The following DMXL2 variants were observed in gnomAD, a reference collection of about 807,000 sequenced individuals.
DMXL2 encodes the protein dmX-like protein 2.
DMXL2 carries 103 observed loss-of-function variants against 331.1 expected under a neutral mutation model. That is an observed-to-expected ratio of 0.31 (90% CI 0.27 to 0.37). The LOEUF is 0.37. Ranked by LOEUF, DMXL2 falls within the 10% of genes least tolerant of loss-of-function variation. DMXL2 has a pLI of 1.00. For synonymous variants in DMXL2, 1,281 were observed against 1,252.1 expected, an observed-to-expected ratio of 1.02 and a Z score of -0.49; for missense variants, 3,171 against 3,642.9, an observed-to-expected ratio of 0.87 and a Z score of 3.33.
At chr15:51,498,442 C>G (rs1182193331) in intron 18 of DMXL2, 110 bp downstream of exon 18, 1 of 1,117,712 alleles carries the variant, frequency 8.9e-7, no homozygotes, top group Non-Finnish European at 1.3e-6. Flanking sequence ...AGGTCTTTTC[C>G]CTGCAAAGTT....
chr15:51,588,942 C>T (rs1258507091), intron 1 of DMXL2, among the ~76,000 whole-genome samples: 1 of 152,116 alleles, frequency 6.6e-6, no homozygotes, highest in Non-Finnish European at 1.5e-5. Flanking sequence ...AAAAAGTCTC[C>T]AAAAGATTAA....
chr15:51,504,522 T>C (rs1030850413), intron 16 of DMXL2, among the ~76,000 whole-genome samples: 1 of 152,232 alleles, frequency 6.6e-6, no homozygotes, highest in Non-Finnish European at 1.5e-5. Context: ...TTTATTTATC[T>C]GTCTCTCCCC....
chr15:51,582,377 C>G (rs1235850989), intron 1 of DMXL2, among the ~76,000 whole-genome samples: 2 of 152,056 alleles, frequency 1.3e-5, no homozygotes, highest in East Asian at 1.9e-4. Context: ...ATTTTTTGCT[C>G]TTTATTAATT....
At chr15:51,593,528 T>G (rs1232428346) in intron 1 of DMXL2, among the ~76,000 whole-genome samples, 1 of 152,132 alleles carries the variant, frequency 6.6e-6, no homozygotes, top group Non-Finnish European at 1.5e-5. Flanking sequence ...TTAACAAGGA[T>G]ATCCAGGAAT....
intron 1 of DMXL2, among the ~76,000 whole-genome samples, chr15:51,596,632 T>C (rs933005111): frequency 5.9e-5 from 9 of 152,224 alleles, no homozygotes; most frequent in African/African-American, 1.9e-4. Context: ...ATATGTTTAC[T>C]GCGGCACTGT....
At chr15:51,465,758 A>G in intron 30 of DMXL2, 107 bp from the exon 31 acceptor site, 1 of 805,228 alleles carries the variant, frequency 1.2e-6, no homozygotes, top group Non-Finnish European at 2.0e-6. Flanking sequence ...ACCCAGAAAA[A>G]AAGCTGTCAT....
intron 1 of DMXL2, among the ~76,000 whole-genome samples, chr15:51,586,165 A>G (rs2051807381): frequency 6.6e-6 from 1 of 152,268 alleles, no homozygotes; most frequent in Non-Finnish European, 1.5e-5. Flanking sequence ...CTTACAGCAA[A>G]AAAGTTTAAC....
chr15:51,464,244 A>T (rs1210390552), intron 32 of DMXL2, among the ~76,000 whole-genome samples: 1 of 152,190 alleles, frequency 6.6e-6, no homozygotes, highest in Admixed American at 6.5e-5. Flanking sequence ...TCTACAAAAA[A>T]TACAAAAAAA....
chr15:51,472,988 TA>T (rs1261466301), intron 28 of DMXL2, among the ~76,000 whole-genome samples: 2 of 104,156 alleles, frequency 1.9e-5, no homozygotes, highest in Non-Finnish European at 4.1e-5. Flanking sequence ...TCTCATCTCC[TA>T]CAACACTCCC....
chr15:51,562,593 A>G (rs879507882), intron 6 of DMXL2, among the ~76,000 whole-genome samples: 3 of 152,160 alleles, frequency 2.0e-5, no homozygotes, highest in Non-Finnish European at 2.9e-5. Flanking sequence ...AATACCTCCT[A>G]TGTGGGATTA....
rs375668293 is a variant in DMXL2, at chr15:51,536,221, G to A, written c.2259C>T (p.Thr753=). Residue 753 remains threonine, a synonymous_variant, in exon 12 of 44, where the codon ACC becomes ACT. Transcript: ENST00000560891. ...GCCAAGCCACATTAGAGAACGCTGA[G>A]GTATGTAAAGAGTTAATTCGAGCCA... ...SELARINSLH[T]SAFSNVAWLP... The A allele has an allele frequency of 6.8e-6, 11 of 1,612,910 alleles. No individual in the cohort carries two copies. The African/African-American group carries it at 9.3e-5, about 14-fold the overall frequency.
chr15:51,600,127 T>G (rs905821461), intron 1 of DMXL2, among the ~76,000 whole-genome samples: 1 of 152,234 alleles, frequency 6.6e-6, no homozygotes, highest in Non-Finnish European at 1.5e-5. Context: ...TTAGGTTGCC[T>G]TGGCATTCGT....
At chr15:51,513,850 A>C (rs1473713503) in intron 15 of DMXL2, among the ~76,000 whole-genome samples, 1 of 152,192 alleles carries the variant, frequency 6.6e-6, no homozygotes, top group African/African-American at 2.4e-5. Context: ...ACTTAAATAA[A>C]AGTTTAACGT....
chr15:51,462,630 C>T (rs1405645576), intron 33 of DMXL2, among the ~76,000 whole-genome samples: 2 of 152,118 alleles, frequency 1.3e-5, no homozygotes, highest in African/African-American at 2.4e-5. Context: ...AGCCACCGTG[C>T]CCGGCCATGT....
intron 40 of DMXL2, 36 bp downstream of exon 40, chr15:51,455,115 T>G (rs2039508341): frequency 3.4e-6 from 5 of 1,488,020 alleles, no homozygotes; most frequent in Non-Finnish European, 3.8e-6. Context: ...CAAAGTGTTG[T>G]GTATATGCGC....
At chr15:51,564,469 GAAC>G (rs2050150878) in intron 4 of DMXL2, among the ~76,000 whole-genome samples, 2 of 151,784 alleles carry the variant, frequency 1.3e-5, no homozygotes, top group South Asian at 4.1e-4. Flanking sequence ...GAAGATTTGA[GAAC>G]AACAAAGTAA....
intron 34 of DMXL2, 129 bp from the exon 35 acceptor site, chr15:51,458,924 A>G (rs1167503940): frequency 2.5e-6 from 2 of 794,254 alleles, no homozygotes; most frequent in Non-Finnish European, 4.0e-6. Flanking sequence ...GCAGCAAGAA[A>G]AAAGGGTAAG....
chr15:51,484,974 C>G (rs572172570), intron 23 of DMXL2, among the ~76,000 whole-genome samples: 1 of 139,046 alleles, frequency 7.2e-6, no homozygotes, highest in Admixed American at 7.7e-5. Flanking sequence ...CAGACTAGAT[C>G]GAGCAGAAGA....
intron 6 of DMXL2, among the ~76,000 whole-genome samples, chr15:51,554,775 C>A (rs532123972): frequency 1.3e-5 from 2 of 152,090 alleles, no homozygotes; most frequent in East Asian, 3.9e-4. Flanking sequence ...TAAACCATCA[C>A]GAAGACTTGG....
Sources: gnomAD v4.1 joint callset for allele counts (sites outside exome capture counted in the v4.1 genomes callset) on GRCh38, gnomAD v4.1.1 for gene constraint, MANE v1.5 for transcripts, NCBI Gene and HGNC (gene_info 2026-07-23, HGNC 2026-07-21) for gene names.